TOX: variants seen among roughly 807,000 people sequenced by gnomAD.
TOX encodes thymocyte selection-associated high mobility group box protein TOX.
A neutral mutation model predicts 53.7 loss-of-function variants in TOX; 11 were observed. That is an observed-to-expected ratio of 0.20 (90% CI 0.13 to 0.34). TOX has a LOEUF of 0.34. Among genes scored for constraint, TOX ranks in the 10% least tolerant of loss-of-function variants. TOX has a pLI of 1.00. For missense variants in TOX, 570 were observed against 664.6 expected (o/e 0.86, Z 1.56); for synonymous variants, 225 against 245.3 (o/e 0.92, Z 0.77).
At chr8:58,876,952 T>C (rs1811295741) in intron 3 of TOX, among the ~76,000 whole-genome samples, 1 of 152,218 alleles carries the variant, frequency 6.6e-6, no homozygotes, top group Admixed American at 6.5e-5. Context: ...GTATATTATA[T>C]TTTGAACTTT....
At chr8:58,835,699 G>A (rs1011223481) in intron 5 of TOX, among the ~76,000 whole-genome samples, 5 of 152,134 alleles carry the variant, frequency 3.3e-5, no homozygotes, top group Admixed American at 6.5e-5. Context: ...AGAACCAATC[G>A]TGGGCTAGGG....
intron 6 of TOX, among the ~76,000 whole-genome samples, chr8:58,818,465 T>A (rs1810218063): frequency 6.6e-6 from 1 of 152,178 alleles, no homozygotes; most frequent in Admixed American, 6.5e-5. Context: ...CAATATAAGT[T>A]ATTTTCCTGT....
intron 1 of TOX, among the ~76,000 whole-genome samples, chr8:58,981,317 A>G (rs1326912223): frequency 6.6e-6 from 1 of 151,096 alleles, no homozygotes; most frequent in Non-Finnish European, 1.5e-5. Flanking sequence ...ACTGTCTCCA[A>G]GAAGATGTAG....
At chr8:58,863,156 T>G (rs901654608) in intron 3 of TOX, among the ~76,000 whole-genome samples, 3 of 152,118 alleles carry the variant, frequency 2.0e-5, no homozygotes, top group African/African-American at 7.2e-5. Context: ...ATAAATAAAT[T>G]TAGGTATTAT....
chr8:59,054,108 T>G (rs1198929155), intron 1 of TOX, among the ~76,000 whole-genome samples: 1 of 152,192 alleles, frequency 6.6e-6, no homozygotes, highest in African/African-American at 2.4e-5. Context: ...TGAGAATGAA[T>G]GGCCAAAAAG....
chr8:58,968,496 T>G (rs893595422), intron 1 of TOX, among the ~76,000 whole-genome samples: 3 of 152,208 alleles, frequency 2.0e-5, no homozygotes, highest in Non-Finnish European at 4.4e-5. Flanking sequence ...TCTGAATCCA[T>G]CTACGAAGGA....
chr8:59,003,683 C>A (rs1422740651), intron 1 of TOX, among the ~76,000 whole-genome samples: 2 of 152,066 alleles, frequency 1.3e-5, no homozygotes, highest in Non-Finnish European at 2.9e-5. Flanking sequence ...AAATGAAAAT[C>A]AATTTGAAAT....
At chr8:59,028,842 A>G (rs1226240086) in intron 1 of TOX, among the ~76,000 whole-genome samples, 36 of 152,156 alleles carry the variant, frequency 2.4e-4, no homozygotes, top group Admixed American at 2.4e-3. Flanking sequence ...AAGTTTGTAA[A>G]CAGGTAATTT....
At chr8:58,860,093 T>C (rs189415824) in intron 3 of TOX, among the ~76,000 whole-genome samples, 1 of 152,284 alleles carries the variant, frequency 6.6e-6, no homozygotes, top group East Asian at 1.9e-4. Context: ...AAAGCAATTT[T>C]ACGCCATTTT....
intron 1 of TOX, among the ~76,000 whole-genome samples, chr8:58,987,591 C>T (rs557739236): frequency 6.6e-6 from 1 of 152,254 alleles, no homozygotes; most frequent in South Asian, 2.1e-4. Context: ...CTTTGAAAAT[C>T]TGGGGAGGAG....
intron 5 of TOX, among the ~76,000 whole-genome samples, chr8:58,829,754 G>A (rs1185373491): frequency 6.6e-6 from 1 of 152,090 alleles, no homozygotes; most frequent in South Asian, 2.1e-4. Flanking sequence ...AATGTCTGAA[G>A]AAAGGCCTCA....
chr8:58,964,925 T>C (rs1342893830), intron 1 of TOX, among the ~76,000 whole-genome samples: 3 of 151,742 alleles, frequency 2.0e-5, no homozygotes, highest in Non-Finnish European at 4.4e-5. Flanking sequence ...GCATTCACAT[T>C]ACCACATTCT....
intron 1 of TOX, among the ~76,000 whole-genome samples, chr8:59,016,691 T>C (rs1814016485): frequency 6.6e-6 from 1 of 152,154 alleles, no homozygotes; most frequent in South Asian, 2.1e-4. Flanking sequence ...AAAGCAAAAA[T>C]GCAAGCAATG....
chr8:58,993,474 C>T (rs898493354), intron 1 of TOX, among the ~76,000 whole-genome samples: 12 of 152,262 alleles, frequency 7.9e-5, no homozygotes, highest in Non-Finnish European at 1.2e-4. Flanking sequence ...GGAATCATTG[C>T]GCCAGACTGG....
chr8:59,006,916 C>T (rs1476008274), intron 1 of TOX, among the ~76,000 whole-genome samples: 5 of 152,150 alleles, frequency 3.3e-5, no homozygotes, highest in Non-Finnish European at 5.9e-5. Context: ...CAGAAGCATC[C>T]TAACTCTAGA....
intron 8 of TOX, 76 bp downstream of exon 8, chr8:58,808,042 A>G: frequency 1.3e-6 from 2 of 1,529,624 alleles, no homozygotes; most frequent in Non-Finnish European, 1.8e-6. Flanking sequence ...TTTGGAAACA[A>G]GAGAACGATC....
At chr8:58,885,456 C>T (rs946327069) in intron 3 of TOX, among the ~76,000 whole-genome samples, 4 of 152,152 alleles carry the variant, frequency 2.6e-5, no homozygotes, top group African/African-American at 9.6e-5. Context: ...TGCTATGTGT[C>T]ACCTTACTCT....
At chr8:58,827,201 T>C (rs1285210124) in intron 5 of TOX, among the ~76,000 whole-genome samples, 1 of 152,104 alleles carries the variant, frequency 6.6e-6, no homozygotes, top group Non-Finnish European at 1.5e-5. Context: ...AAAGATACTA[T>C]TGATGAAGGT....
intron 2 of TOX, among the ~76,000 whole-genome samples, chr8:58,958,667 A>G (rs1393758845): frequency 2.0e-5 from 3 of 152,226 alleles, no homozygotes; most frequent in Admixed American, 2.0e-4. Flanking sequence ...TTCTAAATGC[A>G]AAGCTCAGCC....
Sources: gnomAD v4.1 joint callset for allele counts (sites outside exome capture counted in the v4.1 genomes callset) on GRCh38, gnomAD v4.1.1 for gene constraint, MANE v1.5 for transcripts, NCBI Gene and HGNC (gene_info 2026-07-23, HGNC 2026-07-21) for gene names.